FBXL7: variants seen among roughly 807,000 people sequenced by gnomAD.
FBXL7 encodes F-box/LRR-repeat protein 7.
In FBXL7, 12 loss-of-function variants were observed where a neutral mutation model predicts 38.3. The observed-to-expected ratio is 0.31, with a 90% CI of 0.20 to 0.51. The LOEUF (loss-of-function observed/expected upper bound fraction) is 0.51, where lower values mean the gene tolerates loss of function less well. FBXL7 is among the 20% of genes least tolerant of loss of function. The pLI is 0.98. For missense variants in FBXL7, 567 were observed against 676.4 expected, an observed-to-expected ratio of 0.84 and a Z score of 1.79; for synonymous variants, 297 against 300.9, an observed-to-expected ratio of 0.99 and a Z score of 0.13.
rs56810372 is a variant in FBXL7, at chr5:15,541,443, GTATATATATATATATATATA to G, written c.37+40749_37+40768del. Among the ~76,000 whole-genome samples the G allele has an allele frequency of 3.1e-4, 12 of 38,444 alleles. 1 individual carries two copies. Among genetic ancestry groups the G allele is most frequent in the East Asian group, 1.5e-3 (2 of 1,308 alleles). The allele number at this position is 38,444 out of a possible 152,430, so 25.2% of individuals were successfully genotyped here. A position where few individuals can be genotyped will look rare whatever the true frequency, so the allele number is the denominator to read the frequency against. On this transcript the variant is annotated intron_variant, in intron 1 of 3. Transcript: ENST00000504595. ...ACATATAGTATATATGTGTGTGTGT[GTATATATATATATATATATA>G]TATATATATATATATATAAAGGTAT...
intron 2 of FBXL7, among the ~76,000 whole-genome samples, chr5:15,804,985 C>T (rs1187201179): frequency 7.3e-6 from 1 of 137,024 alleles, no homozygotes; most frequent in African/African-American, 2.5e-5. Flanking sequence ...AAGATGTCAG[C>T]AGGGCTGGCC....
chr5:15,574,299 G>T (rs1223398656), intron 1 of FBXL7, among the ~76,000 whole-genome samples: 1 of 152,120 alleles, frequency 6.6e-6, no homozygotes, highest in Non-Finnish European at 1.5e-5. Flanking sequence ...GATAAAATAT[G>T]CTTTAACAAT....
chr5:15,770,198 C>T (rs1736692129), intron 2 of FBXL7, among the ~76,000 whole-genome samples: 1 of 152,044 alleles, frequency 6.6e-6, no homozygotes, highest in African/African-American at 2.4e-5. Flanking sequence ...TCCTGGTGTC[C>T]ACTTGCCTGT....
intron 2 of FBXL7, among the ~76,000 whole-genome samples, chr5:15,690,065 A>T (rs1433212557): frequency 6.6e-6 from 1 of 152,222 alleles, no homozygotes; most frequent in Non-Finnish European, 1.5e-5. Context: ...GTTGAGAACC[A>T]CTGGTGTAAA....
chr5:15,765,292 G>GTC (rs1736555092), intron 2 of FBXL7, among the ~76,000 whole-genome samples: 1 of 152,178 alleles, frequency 6.6e-6, no homozygotes, highest in South Asian at 2.1e-4. Flanking sequence ...AGTGAACATG[G>GTC]ATGACATTCA....
chr5:15,596,778 C>T (rs2126487730), intron 1 of FBXL7, among the ~76,000 whole-genome samples: 1 of 152,252 alleles, frequency 6.6e-6, no homozygotes, highest in South Asian at 2.1e-4. Flanking sequence ...CTCAAAAGGA[C>T]AGGGCTAGGA....
At chr5:15,734,718 G>A (rs955604326) in intron 2 of FBXL7, among the ~76,000 whole-genome samples, 1 of 152,136 alleles carries the variant, frequency 6.6e-6, no homozygotes, top group Non-Finnish European at 1.5e-5. Flanking sequence ...TGATACATAT[G>A]TTCAGGTAGT....
intron 2 of FBXL7, among the ~76,000 whole-genome samples, chr5:15,812,255 A>T (rs1326662926): frequency 6.6e-6 from 1 of 152,108 alleles, no homozygotes; most frequent in Non-Finnish European, 1.5e-5. Context: ...ACAAACCACC[A>T]CATGTTCTCA....
chr5:15,816,742 GTATT>G (rs774932823), intron 2 of FBXL7, among the ~76,000 whole-genome samples: 5 of 152,084 alleles, frequency 3.3e-5, no homozygotes, highest in African/African-American at 4.8e-5. Context: ...CAAATAAAAA[GTATT>G]TAACCTCTGA....
chr5:15,681,119 T>C (rs557077594), intron 2 of FBXL7, among the ~76,000 whole-genome samples: 1 of 152,238 alleles, frequency 6.6e-6, no homozygotes, highest in East Asian at 1.9e-4. Flanking sequence ...ATCTGGTAGG[T>C]ATATAAACTG....
chr5:15,677,804 T>G (rs1269467769), intron 2 of FBXL7, among the ~76,000 whole-genome samples: 2 of 152,104 alleles, frequency 1.3e-5, no homozygotes, highest in Non-Finnish European at 2.9e-5. Context: ...AATACTAACA[T>G]TAGTGGTGGA....
chr5:15,583,515 G>A (rs1214042086), intron 1 of FBXL7, among the ~76,000 whole-genome samples: 3 of 152,166 alleles, frequency 2.0e-5, no homozygotes, highest in African/African-American at 7.2e-5. Context: ...TAAACATACT[G>A]GTTACAAATG....
chr5:15,655,615 A>G (rs373999365), intron 2 of FBXL7, among the ~76,000 whole-genome samples: 2 of 152,326 alleles, frequency 1.3e-5, no homozygotes, highest in East Asian at 3.9e-4. Context: ...TCATAAATAA[A>G]CTATGGTTGA....
At chr5:15,892,853 C>G (rs1740958070) in intron 2 of FBXL7, among the ~76,000 whole-genome samples, 1 of 152,118 alleles carries the variant, frequency 6.6e-6, no homozygotes, top group African/African-American at 2.4e-5. Flanking sequence ...CGCGGTGGCT[C>G]ACGCCTGTAA....
chr5:15,501,851 CATAT>C, intron 1 of FBXL7: 1 of 502,364 alleles, frequency 2.0e-6, no homozygotes. Flanking sequence ...TTTTGACTTC[CATAT>C]GTGCATGTGT....
At position 15,928,433 on chromosome 5, in the gene FBXL7, A is replaced by G. The variant is rs780526128; in HGVS notation, c.671A>G (p.Asn224Ser). Residue 224 changes from asparagine (N) to serine (S), a missense_variant, in exon 3 of 4, where the codon AAT (asparagine) becomes AGT (serine). Coordinates refer to ENST00000504595, the MANE Select transcript of FBXL7 (RefSeq NM_012304.5). This position sits in a 1 kb window ranked among gnomAD's most constrained non-coding sequence, Gnocchi z 4.0. ...CGACTGGAAGTCTCAGGCTGTTACA[A>G]TATCTCCAACGAGGCCGTCTTTGAT... The part of the protein sequence containing the change: ...LRRLEVSGCY[N>S]ISNEAVFDVV... 5.6e-6 allele frequency: 9 copies of G among 1,613,934 alleles called. No individual in the cohort carries two copies. Among genetic ancestry groups the G allele is most frequent in the South Asian group, 3.3e-5 (3 of 91,092 alleles).
intron 2 of FBXL7, among the ~76,000 whole-genome samples, chr5:15,647,386 A>G (rs1023520458): frequency 1.3e-5 from 2 of 152,200 alleles, no homozygotes; most frequent in Non-Finnish European, 2.9e-5. Flanking sequence ...TCCATGTAGC[A>G]TCTCTTATTT....
chr5:15,598,292 C>T (rs1580394375), intron 1 of FBXL7, among the ~76,000 whole-genome samples: 1 of 152,300 alleles, frequency 6.6e-6, no homozygotes, highest in African/African-American at 2.4e-5. Flanking sequence ...TTATTTAAAA[C>T]ATTACAATCC....
intron 2 of FBXL7, among the ~76,000 whole-genome samples, chr5:15,882,428 C>T (rs542950351): frequency 1.1e-4 from 16 of 152,190 alleles, no homozygotes; most frequent in Admixed American, 1.3e-4. Flanking sequence ...GGACCTAGTC[C>T]AGGTTGGTGT....
Sources: allele counts gnomAD v4.1 joint callset (sites outside exome capture counted in the v4.1 genomes callset), GRCh38; gene constraint gnomAD v4.1.1; non-coding constraint Gnocchi (gnomAD v3.1); transcripts MANE v1.5; gene names NCBI Gene and HGNC (gene_info 2026-07-23, HGNC 2026-07-21).